The following GUCY1A2 variants were observed in gnomAD, a reference collection of about 807,000 sequenced individuals.
GUCY1A2 encodes the protein guanylate cyclase 1 soluble subunit alpha 2, also known as guanylate cyclase soluble subunit alpha-2.
In GUCY1A2, 27 loss-of-function variants were observed where a neutral mutation model predicts 63.5. The ratio of observed to expected loss-of-function variants is 0.43; its 90% CI spans 0.31 to 0.59. The LOEUF (loss-of-function observed/expected upper bound fraction) is 0.59. Ranked by LOEUF, GUCY1A2 falls within the 20% of genes least tolerant of loss-of-function variation. GUCY1A2 has a pLI of 0.11. For synonymous variants in GUCY1A2, 364 were observed against 343.5 expected (o/e 1.06, Z -0.66); for missense variants, 768 against 913.3 (o/e 0.84, Z 2.05).
intron 5 of GUCY1A2, among the ~76,000 whole-genome samples, chr11:106,788,894 A>T (rs957685321): frequency 2.0e-5 from 3 of 152,012 alleles, no homozygotes; most frequent in African/African-American, 4.8e-5. Flanking sequence ...GTCTTTTGTG[A>T]TTCTGTATAC....
intron 4 of GUCY1A2, among the ~76,000 whole-genome samples, chr11:106,854,892 G>A (rs1859407092): frequency 6.6e-6 from 1 of 152,130 alleles, no homozygotes; most frequent in Non-Finnish European, 1.5e-5. Flanking sequence ...CCACCCTGGT[G>A]TGCTCTATCA....
In GUCY1A2 at chr11:106,759,987, A is replaced by C. The variant is rs77123997; in HGVS notation, c.1836+16452T>G. On this transcript the variant is annotated intron_variant, in intron 6 of 7. Coordinates refer to ENST00000526355, the MANE Select transcript of GUCY1A2 (RefSeq NM_000855.3). ...CACAGATACATCCATGCCCACAGGG[A>C]GAATGCCATGTAAAGATTGGATTTT... 2.5e-3 allele frequency among the ~76,000 whole-genome samples: 385 copies of C among 152,328 alleles called. 2 individuals carry two copies. Among genetic ancestry groups the C allele is most frequent in the Non-Finnish European group, 4.6e-3 (316 of 68,034 alleles).
rs112054169 is a variant in GUCY1A2, at chr11:106,947,463, G to T, written c.488-7285C>A. On this transcript the variant is annotated intron_variant, in intron 3 of 7. Transcript: ENST00000526355. ...ATCAAAACTAAAAAGCAAAATCAGAGAAATTAAATAAATGTTAATAATAAA... is the reference window on the plus strand; with the variant it reads ...ATCAAAACTAAAAAGCAAAATCAGATAAATTAAATAAATGTTAATAATAAA... Among the ~76,000 whole-genome samples the T allele has an allele frequency of 6.7e-4, 102 of 151,632 alleles. 1 individual carries two copies. Among genetic ancestry groups the T allele is most frequent in the African/African-American group, 2.4e-3 (99 of 41,390 alleles).
chr11:106,943,835 G>A (rs1023190554), intron 3 of GUCY1A2, among the ~76,000 whole-genome samples: 1 of 152,046 alleles, frequency 6.6e-6, no homozygotes. Flanking sequence ...GGGTACACAG[G>A]AGTACCCACG....
chr11:106,805,803 T>C (rs1030165476), intron 5 of GUCY1A2, among the ~76,000 whole-genome samples: 2 of 152,162 alleles, frequency 1.3e-5, no homozygotes, highest in African/African-American at 4.8e-5. Flanking sequence ...TATACTGTCA[T>C]GTCATTTTTA....
intron 5 of GUCY1A2, among the ~76,000 whole-genome samples, chr11:106,787,597 G>GGGGAGGGTGAGGGAGGGGGGA (rs1291819228): frequency 2.8e-5 from 4 of 144,172 alleles, no homozygotes; most frequent in Non-Finnish European, 4.6e-5. Context: ...AGGAAGGGAA[G>GGGGAGGGTGAGGGAGGGGGGA]GGAAAAAGAG....
chr11:106,695,901 C>T (rs1460808864), intron 7 of GUCY1A2, among the ~76,000 whole-genome samples: 2 of 152,024 alleles, frequency 1.3e-5, no homozygotes, highest in East Asian at 3.9e-4. Context: ...AAATTCAGGC[C>T]AATAAGTTCT....
intron 4 of GUCY1A2, among the ~76,000 whole-genome samples, chr11:106,902,544 G>A (rs751543780): frequency 2.4e-4 from 36 of 152,186 alleles, no homozygotes; most frequent in Admixed American, 4.6e-4. Context: ...TTTGTTGAGT[G>A]TAGCTGTCTT....
chr11:106,686,273 G>T lies in GUCY1A2; in HGVS notation c.*1276C>A. The T allele has an allele frequency of 4.6e-6, 1 of 218,964 alleles. No individual in the cohort carries two copies. Among genetic ancestry groups the T allele is most frequent in the Non-Finnish European group, 9.2e-6 (1 of 109,058 alleles). 13.6% of individuals were successfully genotyped at this position (218,964 alleles called of 1,614,324 possible). A position where few individuals can be genotyped will look rare whatever the true frequency, so the allele number is the denominator to read the frequency against. On this transcript the variant is annotated 3_prime_UTR_variant, in exon 8 of 8. Transcript: ENST00000526355. ...TCTTCATTTGAGCAGGACATGCGAT[G>T]GAATCCTATCTGTAACTATAATGAT...
At chr11:106,906,728 C>G (rs1860212075) in intron 4 of GUCY1A2, among the ~76,000 whole-genome samples, 1 of 152,174 alleles carries the variant, frequency 6.6e-6, no homozygotes, top group South Asian at 2.1e-4. Flanking sequence ...AAATGTGGCA[C>G]AGATACACCA....
intron 4 of GUCY1A2, among the ~76,000 whole-genome samples, chr11:106,860,031 A>C (rs1014983477): frequency 1.3e-5 from 2 of 152,026 alleles, no homozygotes; most frequent in African/African-American, 4.8e-5. Flanking sequence ...AATTCAGCAT[A>C]AATAAATGAA....
chr11:106,929,301 T>C (rs1860570024), intron 4 of GUCY1A2, among the ~76,000 whole-genome samples: 1 of 152,170 alleles, frequency 6.6e-6, no homozygotes, highest in South Asian at 2.1e-4. Flanking sequence ...TTCATTGCAT[T>C]TTGAGGAGCA....
intron 3 of GUCY1A2, among the ~76,000 whole-genome samples, chr11:106,952,446 G>C (rs557549415): frequency 6.6e-6 from 1 of 152,160 alleles, no homozygotes; most frequent in East Asian, 1.9e-4. Context: ...CCTTGAAGAG[G>C]TCTTCACATC....
chr11:106,803,682 A>C (rs1264901475), intron 5 of GUCY1A2, among the ~76,000 whole-genome samples: 1 of 152,230 alleles, frequency 6.6e-6, no homozygotes, highest in Non-Finnish European at 1.5e-5. Flanking sequence ...TCACAAAATA[A>C]AACTATAAAG....
intron 5 of GUCY1A2, among the ~76,000 whole-genome samples, chr11:106,779,911 T>C (rs1005417578): frequency 6.6e-6 from 1 of 152,222 alleles, no homozygotes; most frequent in Non-Finnish European, 1.5e-5. Context: ...CTAGGCGTGG[T>C]GGCTGACACC....
intron 6 of GUCY1A2, among the ~76,000 whole-genome samples, chr11:106,735,293 C>T (rs1863570267): frequency 6.6e-6 from 1 of 152,114 alleles, no homozygotes. Context: ...TCTCTCCTTT[C>T]CAGTACCCTT....
chr11:106,877,193 C>A (rs1859761877), intron 4 of GUCY1A2, among the ~76,000 whole-genome samples: 1 of 152,060 alleles, frequency 6.6e-6, no homozygotes, highest in African/African-American at 2.4e-5. Flanking sequence ...CTTTGTGAAC[C>A]TGCTTATCAT....
At chr11:106,954,678 C>G (rs1166772319) in intron 3 of GUCY1A2, among the ~76,000 whole-genome samples, 2 of 152,142 alleles carry the variant, frequency 1.3e-5, no homozygotes, top group Admixed American at 6.6e-5. Flanking sequence ...TTTTATGAAT[C>G]TGGGTGTTTC....
chr11:106,854,371 G>A (rs543497136), intron 4 of GUCY1A2, among the ~76,000 whole-genome samples: 38 of 152,276 alleles, frequency 2.5e-4, no homozygotes, highest in African/African-American at 9.1e-4. Flanking sequence ...CTGGGGGCCT[G>A]GGAAGTGCAC....
Sources: gnomAD v4.1 joint callset for allele counts (sites outside exome capture counted in the v4.1 genomes callset) on GRCh38, gnomAD v4.1.1 for gene constraint, MANE v1.5 for transcripts, NCBI Gene and HGNC (gene_info 2026-07-23, HGNC 2026-07-21) for gene names.